The following ROBO2 variants were observed in gnomAD, a reference collection of about 807,000 sequenced individuals.
ROBO2 encodes the protein roundabout homolog 2.
ROBO2 carries 53 observed loss-of-function variants against 160.8 expected under a neutral mutation model. The ratio of observed to expected loss-of-function variants is 0.33; its 90% CI spans 0.26 to 0.41. The LOEUF is 0.41. Ranked by LOEUF, ROBO2 falls within the 10% of genes least tolerant of loss-of-function variation. The pLI is 1.00. For missense variants in ROBO2, 1,577 were observed against 1,722.4 expected, an observed-to-expected ratio of 0.92 and a Z score of 1.49; for synonymous variants, 664 against 611.7, an observed-to-expected ratio of 1.09 and a Z score of -1.26.
chr3:77,505,187 C>A (rs542355609), intron 5 of ROBO2, among the ~76,000 whole-genome samples: 5 of 152,240 alleles, frequency 3.3e-5, no homozygotes, highest in African/African-American at 9.6e-5. Context: ...AAAACTGATT[C>A]TTTCATGTAG....
At chr3:76,412,274 G>T (rs2075528588) in intron 2 of ROBO2, among the ~76,000 whole-genome samples, 1 of 152,114 alleles carries the variant, frequency 6.6e-6, no homozygotes, top group African/African-American at 2.4e-5. Flanking sequence ...TGGGAATTCT[G>T]GGAAATACAA....
chr3:76,457,337 G>A (rs901432142), intron 2 of ROBO2, among the ~76,000 whole-genome samples: 20 of 152,180 alleles, frequency 1.3e-4, no homozygotes, highest in African/African-American at 4.6e-4. Flanking sequence ...ACGCAAGTCC[G>A]AAATCCAGCG....
At chr3:77,019,084 C>T (rs1302360675) in intron 2 of ROBO2, among the ~76,000 whole-genome samples, 1 of 152,152 alleles carries the variant, frequency 6.6e-6, no homozygotes, top group South Asian at 2.1e-4. Flanking sequence ...GTTTCGGGAA[C>T]CTCAAAGAGG....
chr3:76,700,299 T>G (rs968048200), intron 2 of ROBO2, among the ~76,000 whole-genome samples: 1 of 152,140 alleles, frequency 6.6e-6, no homozygotes, highest in Non-Finnish European at 1.5e-5. Context: ...TCTTACTTTA[T>G]ATTACTCAAA....
chr3:77,320,593 T>G (rs1248958033), intron 2 of ROBO2, among the ~76,000 whole-genome samples: 1 of 152,112 alleles, frequency 6.6e-6, no homozygotes, highest in African/African-American at 2.4e-5. Context: ...TAATTAAACA[T>G]TGTCATTACA....
intron 2 of ROBO2, among the ~76,000 whole-genome samples, chr3:76,181,973 T>A (rs1701528403): frequency 6.6e-6 from 1 of 152,170 alleles, no homozygotes; most frequent in Non-Finnish European, 1.5e-5. Context: ...TCTCTTTTTA[T>A]TTCTAACAGG....
intron 2 of ROBO2, among the ~76,000 whole-genome samples, chr3:76,719,134 A>G (rs2093427041): frequency 6.6e-6 from 1 of 152,150 alleles, no homozygotes; most frequent in African/African-American, 2.4e-5. Context: ...GTTTATTTTT[A>G]TATTGGTTGC....
intron 2 of ROBO2, among the ~76,000 whole-genome samples, chr3:76,281,610 T>C (rs1261816361): frequency 7.0e-6 from 1 of 143,504 alleles, no homozygotes; most frequent in African/African-American, 2.6e-5. Flanking sequence ...GTGTGACTTT[T>C]CTTACATCAC....
intron 1 of ROBO2, among the ~76,000 whole-genome samples, chr3:75,924,764 C>G (rs942975355): frequency 2.9e-5 from 4 of 138,794 alleles, no homozygotes; most frequent in African/African-American, 1.1e-4. Context: ...TCTCGGCTCA[C>G]TGCAAGCTCT....
intron 2 of ROBO2, among the ~76,000 whole-genome samples, chr3:76,891,505 A>G (rs1284606510): frequency 6.6e-6 from 1 of 152,158 alleles, no homozygotes; most frequent in Non-Finnish European, 1.5e-5. Context: ...TGATGTGGAC[A>G]TTGAAATTCG....
At chr3:77,276,647 G>C (rs927402001) in intron 2 of ROBO2, among the ~76,000 whole-genome samples, 2 of 152,152 alleles carry the variant, frequency 1.3e-5, no homozygotes, top group East Asian at 3.9e-4. Flanking sequence ...AGCTACTCGG[G>C]AGGCTTAGGC....
At chr3:75,957,240 A>G (rs1183036854) in intron 2 of ROBO2, among the ~76,000 whole-genome samples, 1 of 51,968 alleles carries the variant, frequency 1.9e-5, no homozygotes, top group African/African-American at 3.8e-5. Context: ...ACACGCACAC[A>G]CACACAAAAC....
intron 2 of ROBO2, among the ~76,000 whole-genome samples, chr3:76,372,762 C>T (rs2076166779): frequency 6.6e-6 from 1 of 151,834 alleles, no homozygotes; most frequent in African/African-American, 2.4e-5. Context: ...GTGAGACAGA[C>T]AAGGAAGCCT....
chr3:76,743,728 T>A (rs563011656), intron 2 of ROBO2, among the ~76,000 whole-genome samples: 1 of 151,974 alleles, frequency 6.6e-6, no homozygotes, highest in Non-Finnish European at 1.5e-5. Context: ...TTTTTTCTCT[T>A]ATACTATGCA....
At chr3:77,171,353 C>T (rs1432728986) in intron 2 of ROBO2, among the ~76,000 whole-genome samples, 1 of 152,194 alleles carries the variant, frequency 6.6e-6, no homozygotes, top group Non-Finnish European at 1.5e-5. Context: ...ATGCAGCCTG[C>T]TTCGTCCTGC....
intron 2 of ROBO2, among the ~76,000 whole-genome samples, chr3:76,393,668 A>C (rs1412203776): frequency 6.6e-6 from 1 of 152,188 alleles, no homozygotes; most frequent in African/African-American, 2.4e-5. Context: ...AGAAATGTGA[A>C]GGAAAAATTA....
chr3:76,771,714 A>G (rs1363025193), intron 2 of ROBO2, among the ~76,000 whole-genome samples: 1 of 151,336 alleles, frequency 6.6e-6, no homozygotes, highest in Non-Finnish European at 1.5e-5. Flanking sequence ...CAAAATAAAA[A>G]TACGATTTTT....
At position 76,749,999 on chromosome 3, in the gene ROBO2, G is replaced by A. The variant is rs537949268; in HGVS notation, c.110-348015G>A. On this transcript the variant is annotated intron_variant, in intron 2 of 26. Coordinates refer to the ROBO2 transcript ENST00000487694. ...GCCGGGCAGAGACACAACAGAAAAA[G>A]AGAATTTTAGACCAATATCCCTGAT... is the stretch of plus-strand genomic sequence containing the variant. Among the ~76,000 whole-genome samples, 3 of 152,126 alleles carry A rather than the reference G, an allele frequency of 2.0e-5. No homozygotes were observed. The South Asian group carries it at 6.2e-4, about 32-fold the overall frequency.
chr3:76,243,574 G>T (rs576416786), intron 2 of ROBO2, among the ~76,000 whole-genome samples: 4 of 152,306 alleles, frequency 2.6e-5, no homozygotes, highest in Admixed American at 6.5e-5. Context: ...AAGCTGGAGG[G>T]CTGAGGACGA....
Sources: allele counts gnomAD v4.1 joint callset (sites outside exome capture counted in the v4.1 genomes callset), GRCh38; gene constraint gnomAD v4.1.1; transcripts MANE v1.5; gene names NCBI Gene and HGNC (gene_info 2026-07-23, HGNC 2026-07-21).